Variants in PIK3CD observed in about 807,000 individuals in gnomAD.
PIK3CD encodes phosphatidylinositol-4,5-bisphosphate 3-kinase catalytic subunit delta.
In PIK3CD, 20 loss-of-function variants were observed where a neutral mutation model predicts 122.9. The ratio of observed to expected loss-of-function variants is 0.16; its 90% CI spans 0.11 to 0.24. The LOEUF (loss-of-function observed/expected upper bound fraction) is 0.24. PIK3CD is among the 10% of genes least tolerant of loss of function. PIK3CD has a pLI of 1.00. For synonymous variants in PIK3CD, 596 were observed against 593.4 expected (o/e 1.00, Z -0.06); for missense variants, 787 against 1,406.3 (o/e 0.56, Z 7.04).
chr1:9,693,641 A>T (rs1385593462), intron 2 of PIK3CD, among the ~76,000 whole-genome samples: 1 of 152,130 alleles, frequency 6.6e-6, no homozygotes, highest in Admixed American at 6.5e-5. Context: ...GCTCTGTTTC[A>T]AAATCCCACT....
At chr1:9,708,995 G>T (rs187806817) in intron 2 of PIK3CD, among the ~76,000 whole-genome samples, 4 of 152,154 alleles carry the variant, frequency 2.6e-5, no homozygotes, top group African/African-American at 9.6e-5. Context: ...TGTTACTAGG[G>T]GTGGGTATGA....
the PIK3CD span, among the ~76,000 whole-genome samples, chr1:9,637,046 C>T: frequency 2.6e-5 from 4 of 151,938 alleles, no homozygotes; most frequent in South Asian, 2.1e-4. Flanking sequence ...TACAGGCGCC[C>T]GCCACCACGC....
At chr1:9,627,689 G>T in the PIK3CD span, among the ~76,000 whole-genome samples, 68 of 152,328 alleles carry the variant, frequency 4.5e-4, no homozygotes, top group African/African-American at 1.5e-3. Context: ...TGAGGACCAG[G>T]GGCTGAGTCT....
intron 1 of PIK3CD, among the ~76,000 whole-genome samples, chr1:9,670,883 G>A (rs1045241095): frequency 4.2e-4 from 64 of 150,840 alleles, no homozygotes; most frequent in African/African-American, 1.5e-3. Flanking sequence ...TCAGCCTCCC[G>A]AGTAGCTGGG....
chr1:9,713,638 T>C (rs1647143296), intron 3 of PIK3CD, among the ~76,000 whole-genome samples: 5 of 152,236 alleles, frequency 3.3e-5, no homozygotes, highest in Admixed American at 3.3e-4. Context: ...TTGCACAGGC[T>C]GGAATGCAGT....
At chr1:9,672,346 C>A (rs1645355641) in intron 1 of PIK3CD, 1 of 152,090 alleles carries the variant, frequency 6.6e-6, no homozygotes, top group Admixed American at 6.6e-5. Context: ...CACAGCGACT[C>A]CAACCAGTTT....
In PIK3CD at chr1:9,715,710, G is replaced by GT. The variant is rs1557659696; in HGVS notation, c.312dup (p.Glu105Ter). 1 of 1,613,590 alleles carries GT rather than the reference G, an allele frequency of 6.2e-7. No homozygotes were observed. Among genetic ancestry groups the GT allele is most frequent in the Non-Finnish European group, 8.5e-7 (1 of 1,180,010 alleles). The stretch of plus-strand genomic sequence containing the variant: ...CTGCCCGTCCTGCGCCTGGTGGCCC[G>GT]TGAGGGCGACCGCGTGAAGAAGCTC... On this transcript the variant is annotated frameshift_variant, in exon 4 of 24. Transcript: ENST00000377346. LOFTEE classifies it high-confidence loss of function. This position sits in a 1 kb window ranked among gnomAD's most constrained non-coding sequence, Gnocchi z 4.1.
intron 13 of PIK3CD, 106 bp downstream of exon 13, chr1:9,721,015 T>TCACCCTGACCCTGGCAACCCAC: frequency 7.0e-7 from 1 of 1,420,814 alleles, no homozygotes; most frequent in Non-Finnish European, 9.6e-7. Flanking sequence ...TGGCCAACCT[T>TCACCCTGACCCTGGCAACCCAC]CACCCTGACC....
chr1:9,645,555 A>C, the PIK3CD span, among the ~76,000 whole-genome samples: 1 of 149,416 alleles, frequency 6.7e-6, no homozygotes, highest in Non-Finnish European at 1.5e-5. Context: ...CTCCTGCCTC[A>C]GTCTCCCAAG....
Position 9,722,624 on chromosome 1 carries a change from A to C in PIK3CD, c.2426+18A>C. On this transcript the variant is annotated intron_variant, in intron 19 of 23. Coordinates refer to ENST00000377346, the MANE Select transcript of PIK3CD (RefSeq NM_005026.5). The surrounding 1 kb of genome is among the most constrained non-coding windows in gnomAD (Gnocchi z 7.6). ...GACCTGAGGTGAGGACCCCCACCCC[A>C]CATCGTCCCTTGGTGTCTGTGCCCA... The C allele has an allele frequency of 6.2e-7, 1 of 1,605,420 alleles. No homozygotes were observed. Among genetic ancestry groups the C allele is most frequent in the African/African-American group, 1.3e-5 (1 of 74,806 alleles).
At chr1:9,628,118 C>T in the PIK3CD span, among the ~76,000 whole-genome samples, 1 of 152,112 alleles carries the variant, frequency 6.6e-6, no homozygotes, top group African/African-American at 2.4e-5. Flanking sequence ...GCCTGGCCAA[C>T]ATGGTGAAAC....
At chr1:9,653,955 C>A (rs572602285) in intron 1 of PIK3CD, 1 of 1,358,108 alleles carries the variant, frequency 7.4e-7, no homozygotes, top group Non-Finnish European at 9.8e-7. Flanking sequence ...CCTGTCATCC[C>A]AGTGCTTTGG....
intron 2 of PIK3CD, among the ~76,000 whole-genome samples, chr1:9,699,644 C>T (rs776244276): frequency 1.1e-4 from 17 of 151,848 alleles, no homozygotes; most frequent in Non-Finnish European, 1.5e-4. Context: ...TTGTCCAGGC[C>T]GAAGTGCAAT....
At chr1:9,688,649 A>AC (rs996862296) in intron 1 of PIK3CD, among the ~76,000 whole-genome samples, 4 of 151,446 alleles carry the variant, frequency 2.6e-5, no homozygotes, top group Non-Finnish European at 5.9e-5. Flanking sequence ...ACATAGTTAG[A>AC]CCCCCGCCTC....
chr1:9,665,776 C>T (rs1452475878), intron 1 of PIK3CD, among the ~76,000 whole-genome samples: 1 of 152,020 alleles, frequency 6.6e-6, no homozygotes, highest in South Asian at 2.1e-4. Context: ...TCCCCCAAGA[C>T]GGAGTCTCAC....
the PIK3CD span, among the ~76,000 whole-genome samples, chr1:9,631,586 G>C: frequency 6.6e-6 from 1 of 152,248 alleles, no homozygotes; most frequent in African/African-American, 2.4e-5. Flanking sequence ...AACCCTGGAT[G>C]CGGTGGTTGC....
chr1:9,705,551 AC>A (rs1223629847), intron 2 of PIK3CD, among the ~76,000 whole-genome samples: 6 of 152,036 alleles, frequency 3.9e-5, no homozygotes, highest in Admixed American at 6.6e-5. Context: ...CCAAAAAGAC[AC>A]CATAAGCAAA....
Position 9,723,336 on chromosome 1 carries a change from G to C in PIK3CD, c.2594+44G>C. On this transcript the variant is annotated intron_variant, in intron 20 of 23. Coordinates refer to ENST00000377346, the MANE Select transcript of PIK3CD (RefSeq NM_005026.5). The surrounding 1 kb of genome is among the most constrained non-coding windows in gnomAD (Gnocchi z 4.9). ...GATAGGTTCCCTCTCCTTTCCAAGA[G>C]GTGTGGAGTGGGAGGGCCTCGCCTG... The C allele has an allele frequency of 6.3e-7, 1 of 1,598,738 alleles. No individual in the cohort carries two copies. The highest frequency in any genetic ancestry group is 8.6e-7 in the Non-Finnish European group (1 of 1,166,518).
At chr1:9,695,208 G>T (rs564871111) in intron 2 of PIK3CD, among the ~76,000 whole-genome samples, 1 of 151,980 alleles carries the variant, frequency 6.6e-6, no homozygotes, top group Non-Finnish European at 1.5e-5. Context: ...AGAACACAAA[G>T]ACTTAAGAGA....
Sources: gnomAD v4.1 joint callset for allele counts (sites outside exome capture counted in the v4.1 genomes callset) on GRCh38, gnomAD v4.1.1 for gene constraint, Gnocchi (gnomAD v3.1) non-coding constraint, MANE v1.5 for transcripts, NCBI Gene and HGNC (gene_info 2026-07-23, HGNC 2026-07-21) for gene names.